The following ARID1B variants were observed in gnomAD, a reference collection of about 807,000 sequenced individuals.
ARID1B encodes AT-rich interactive domain-containing protein 1B.
A neutral mutation model predicts 212.3 loss-of-function variants in ARID1B; 30 were observed. That is an observed-to-expected ratio of 0.14 (90% CI 0.11 to 0.19). ARID1B has a LOEUF of 0.19. ARID1B is among the 10% of genes least tolerant of loss of function. The probability of loss-of-function intolerance (pLI) is 1.00; values close to 1 mark genes in which losing one functional copy is unlikely to be tolerated. For synonymous variants in ARID1B, 1,402 were observed against 1,301.7 expected (o/e 1.08, Z -1.66); for missense variants, 2,891 against 3,204.0 (o/e 0.90, Z 2.36).
At chr6:156,874,984 C>T (rs1379809502) in intron 2 of ARID1B, among the ~76,000 whole-genome samples, 1 of 152,188 alleles carries the variant, frequency 6.6e-6, no homozygotes, top group African/African-American at 2.4e-5. Flanking sequence ...ATAGCCCACC[C>T]ATAGTAACTG....
chr6:156,856,071 G>A (rs940081606), intron 2 of ARID1B, among the ~76,000 whole-genome samples: 15 of 152,190 alleles, frequency 9.9e-5, no homozygotes, highest in African/African-American at 3.6e-4. Context: ...CTGGACCCCT[G>A]CTTCTTTGTA....
At chr6:156,889,892 CA>C (rs2128185449) in intron 2 of ARID1B, among the ~76,000 whole-genome samples, 1 of 152,232 alleles carries the variant, frequency 6.6e-6, no homozygotes, top group South Asian at 2.1e-4. Flanking sequence ...ATTCTGTGTA[CA>C]AGAGTTAGGC....
chr6:157,133,918 C>CAT (rs1191119483), intron 7 of ARID1B, among the ~76,000 whole-genome samples: 18 of 152,276 alleles, frequency 1.2e-4, no homozygotes, highest in Non-Finnish European at 2.2e-4. Flanking sequence ...TGTAGGTATA[C>CAT]ATATATATAT....
chr6:156,777,110 A>T (rs1778665262), upstream of ARID1B: 1 of 152,114 alleles, frequency 6.6e-6, no homozygotes, highest in Non-Finnish European at 1.5e-5. Context: ...GAAAACAAAC[A>T]TGCGAACGCC....
At chr6:156,968,397 T>C (rs894398130) in intron 4 of ARID1B, among the ~76,000 whole-genome samples, 33 of 152,222 alleles carry the variant, frequency 2.2e-4, no homozygotes, top group Admixed American at 8.5e-4. Flanking sequence ...AGAAAATCTT[T>C]AGTCTGAAAT....
intron 1 of ARID1B, among the ~76,000 whole-genome samples, chr6:156,798,054 G>A (rs569373570): frequency 3.0e-4 from 46 of 152,356 alleles, no homozygotes; most frequent in Admixed American, 9.8e-4. Context: ...TCGGGAAGGC[G>A]GCAGTTTGCA....
rs114141962 is a variant in ARID1B, at chr6:156,986,557, T to G, written c.2247+50981T>G. ...TTCATTTCTTGTGCTTCAGTTTCCT[T>G]ACCTACAAAATGGGACAACAGAACT... On this transcript the variant is annotated intron_variant, in intron 4 of 19. Transcript: ENST00000636930. 8.5e-3 allele frequency among the ~76,000 whole-genome samples: 1,290 copies of G among 152,296 alleles called. 23 individuals carry two copies. The highest frequency in any genetic ancestry group is 0.03 in the African/African-American group (1,245 of 41,554).
intron 3 of ARID1B, among the ~76,000 whole-genome samples, chr6:156,902,582 A>G (rs1287689119): frequency 1.3e-5 from 2 of 152,054 alleles, no homozygotes; most frequent in Non-Finnish European, 2.9e-5. Flanking sequence ...ATTTGAAGCA[A>G]AACATGTTAA....
rs551038862 is a variant in ARID1B at position 157,206,779 on chromosome 6, G to A, written c.6007G>A (p.Val2003Ile). The A allele has an allele frequency of 5.0e-6, 8 of 1,613,772 alleles. No homozygotes were observed. The highest frequency in any genetic ancestry group is 1.7e-5 in the Admixed American group (1 of 60,036). ...AAGCATCATAGCAACCATCGATGACGTCCTCTCTGCTCGGCCAGGGGCATT... is the reference window on the plus strand; with the variant it reads ...AAGCATCATAGCAACCATCGATGACATCCTCTCTGCTCGGCCAGGGGCATT... ...EKSIIATIDD[V>I]LSARPGALPE... The change falls in exon 20 of 20, where the codon GTC (valine) becomes ATC (isoleucine). Residue 2003 changes from valine (V) to isoleucine (I), a missense_variant. Transcript: ENST00000636930. The surrounding 1 kb of genome is among the most constrained non-coding windows in gnomAD (Gnocchi z 6.8).
intron 4 of ARID1B, among the ~76,000 whole-genome samples, chr6:157,026,838 G>T (rs992475389): frequency 2.0e-5 from 3 of 152,286 alleles, no homozygotes; most frequent in Middle Eastern, 3.4e-3. Flanking sequence ...ACTTTTTAAA[G>T]AGGTGAAGGG....
At chr6:156,838,760 A>T (rs932132354) in intron 2 of ARID1B, among the ~76,000 whole-genome samples, 48 of 151,374 alleles carry the variant, frequency 3.2e-4, no homozygotes, top group Non-Finnish European at 1.5e-4. Context: ...CTAAGTAAGG[A>T]TTAGATGTTT....
At chr6:157,188,842 A>T (rs953784437) in intron 13 of ARID1B, among the ~76,000 whole-genome samples, 1 of 152,240 alleles carries the variant, frequency 6.6e-6, no homozygotes, top group Admixed American at 6.5e-5. Context: ...GGAGCCCTGC[A>T]AATGTTACGT....
At chr6:157,147,306 C>A (rs1583401016) in intron 7 of ARID1B, among the ~76,000 whole-genome samples, 3 of 29,394 alleles carry the variant, frequency 1.0e-4, no homozygotes, top group Admixed American at 2.7e-4. Context: ...CGACCCTGCC[C>A]TCCGTCCCTC....
At position 157,210,151 on chromosome 6, in the gene ARID1B, C is replaced by T. The variant is rs2128402521; in HGVS notation, c.*2260C>T. 8.6e-6 allele frequency: 2 copies of T among 232,424 alleles called. No homozygotes were observed. Among genetic ancestry groups the T allele is most frequent in the East Asian group, 1.2e-4 (2 of 16,410 alleles). The allele number at this position is 232,424 out of a possible 1,614,324, so 14.4% of individuals were successfully genotyped here. On this transcript the variant is annotated 3_prime_UTR_variant, in exon 20 of 20. Transcript: ENST00000636930. ...TCTGTCAACTCCCACATTACTGAGT[C>T]AAACAGTCTTCTTACATAACAATGC...
intron 2 of ARID1B, among the ~76,000 whole-genome samples, chr6:156,833,792 G>T (rs1030770381): frequency 2.6e-5 from 4 of 152,070 alleles, no homozygotes; most frequent in Non-Finnish European, 5.9e-5. Flanking sequence ...CTTGAAGAGG[G>T]CTTGAAAAAG....
At chr6:156,998,627 A>G (rs1296853610) in intron 4 of ARID1B, among the ~76,000 whole-genome samples, 1 of 152,178 alleles carries the variant, frequency 6.6e-6, no homozygotes, top group Non-Finnish European at 1.5e-5. Context: ...CAGCAGCCTC[A>G]CACCAGTGGA....
chr6:156,830,274 G>A (rs563598240), intron 2 of ARID1B, among the ~76,000 whole-genome samples: 1 of 152,218 alleles, frequency 6.6e-6, no homozygotes, highest in African/African-American at 2.4e-5. Context: ...CAGGGAGTGG[G>A]TCAGGCTGAT....
rs567169295 is a variant in ARID1B at position 156,955,915 on chromosome 6, C to T, written c.2247+20339C>T. On this transcript the variant is annotated intron_variant, in intron 4 of 19. Coordinates refer to ENST00000636930, the MANE Select transcript of ARID1B (RefSeq NM_001374828.1). This position sits in a 1 kb window ranked among gnomAD's most constrained non-coding sequence, Gnocchi z 4.2. The stretch of plus-strand genomic sequence containing the variant: ...ACTGGAGGCCGCTGGTGGTGGAAGC[C>T]GCGCCTGTTCTATTTCCTCACCTTC... Among the ~76,000 whole-genome samples, 2 of 152,254 alleles carry T rather than the reference C, an allele frequency of 1.3e-5. No individual in the cohort carries two copies. The highest frequency in any genetic ancestry group is 6.5e-5 in the Admixed American group (1 of 15,298).
chr6:157,159,318 C>A (rs1011931915), intron 8 of ARID1B, among the ~76,000 whole-genome samples: 1 of 152,192 alleles, frequency 6.6e-6, no homozygotes, highest in Non-Finnish European at 1.5e-5. Context: ...ATTCAAGCAA[C>A]CAGACAACAC....
Sources: gnomAD v4.1 joint callset for allele counts (sites outside exome capture counted in the v4.1 genomes callset) on GRCh38, gnomAD v4.1.1 for gene constraint, Gnocchi (gnomAD v3.1) non-coding constraint, MANE v1.5 for transcripts, NCBI Gene and HGNC (gene_info 2026-07-23, HGNC 2026-07-21) for gene names.